The following FARS2 variants were observed in gnomAD, a reference collection of about 807,000 sequenced individuals.
FARS2 encodes the protein phenylalanine--tRNA ligase, mitochondrial.
Under a neutral mutation model 46.4 loss-of-function variants are expected in FARS2, and 40 were observed. That is an observed-to-expected ratio of 0.86 (90% CI 0.67 to 1.12). The LOEUF is 1.12. Among genes scored for constraint, FARS2 ranks in the 50% most tolerant of loss-of-function variants. The probability of loss-of-function intolerance (pLI) is 0.00; values close to 1 mark genes in which losing one functional copy is unlikely to be tolerated. For missense variants in FARS2, 513 were observed against 567.9 expected, an observed-to-expected ratio of 0.90 and a Z score of 0.98; for synonymous variants, 234 against 214.9, an observed-to-expected ratio of 1.09 and a Z score of -0.78.
rs540610110 is a variant in FARS2, at chr6:5,546,424, G to A, written c.1065+1084G>A. The stretch of plus-strand genomic sequence containing the variant: ...CACCACTACGCCCAGCTAATTTTGT[G>A]TATTTTTAGTAGAGACGGGGTTTCA... On this transcript the variant is annotated intron_variant, in intron 5 of 6. Transcript: ENST00000274680. Among the ~76,000 whole-genome samples the A allele has an allele frequency of 4.9e-4, 75 of 151,712 alleles. 1 individual carries two copies. In the East Asian group the frequency reaches 0.014, roughly 29 times the overall value.
At chr6:5,484,767 T>C (rs1766676349) in intron 4 of FARS2, among the ~76,000 whole-genome samples, 1 of 152,204 alleles carries the variant, frequency 6.6e-6, no homozygotes, top group South Asian at 2.1e-4. Context: ...AGAAACCTCC[T>C]AGCTGGATTG....
At chr6:5,481,188 C>T (rs1766434719) in intron 4 of FARS2, among the ~76,000 whole-genome samples, 1 of 152,192 alleles carries the variant, frequency 6.6e-6, no homozygotes, top group African/African-American at 2.4e-5. Context: ...GAACGGGTAC[C>T]ACCTGCCTCC....
At chr6:5,260,521 TC>T (rs1764991908), upstream of FARS2, 3 of 1,292,570 alleles carry the variant, frequency 2.3e-6, no homozygotes. Flanking sequence ...CGGAGCCCGG[TC>T]CTTGCCTCGC....
intron 5 of FARS2, among the ~76,000 whole-genome samples, chr6:5,600,541 G>A (rs1176438111): frequency 6.6e-6 from 1 of 152,034 alleles, no homozygotes; most frequent in East Asian, 1.9e-4. Context: ...AATTTGATAA[G>A]CAGTTTTTAT....
chr6:5,723,910 G>A (rs1339316878), intron 6 of FARS2, among the ~76,000 whole-genome samples: 1 of 152,148 alleles, frequency 6.6e-6, no homozygotes, highest in African/African-American at 2.4e-5. Context: ...CTGTTGTGAG[G>A]GGCCCAGCTA....
At chr6:5,451,023 C>G (rs1333458902) in intron 4 of FARS2, among the ~76,000 whole-genome samples, 1 of 152,106 alleles carries the variant, frequency 6.6e-6, no homozygotes, top group Non-Finnish European at 1.5e-5. Context: ...ATTTTAGATA[C>G]GATTGGAGGT....
At chr6:5,454,613 G>A (rs536007033) in intron 4 of FARS2, among the ~76,000 whole-genome samples, 71 of 152,216 alleles carry the variant, frequency 4.7e-4, no homozygotes, top group African/African-American at 1.6e-3. Flanking sequence ...CAAAGTGCTG[G>A]GATTGCAGGC....
intron 6 of FARS2, among the ~76,000 whole-genome samples, chr6:5,644,775 C>G (rs1279259802): frequency 6.6e-6 from 1 of 152,224 alleles, no homozygotes; most frequent in Non-Finnish European, 1.5e-5. Flanking sequence ...GCTCAGCCTG[C>G]ATTCCTACCC....
chr6:5,729,533 A>G (rs1036154371), intron 6 of FARS2, among the ~76,000 whole-genome samples: 8 of 152,202 alleles, frequency 5.3e-5, no homozygotes, highest in Non-Finnish European at 7.3e-5. Context: ...ACCTGGCCGT[A>G]AGATTTTCCA....
intron 6 of FARS2, among the ~76,000 whole-genome samples, chr6:5,633,277 T>C (rs982706391): frequency 6.7e-5 from 9 of 133,578 alleles, no homozygotes; most frequent in African/African-American, 2.4e-4. Context: ...TTTTTTTTTT[T>C]TTTTTTTTTT....
chr6:5,648,021 A>G (rs1417596050), intron 6 of FARS2, among the ~76,000 whole-genome samples: 1 of 152,222 alleles, frequency 6.6e-6, no homozygotes, highest in East Asian at 1.9e-4. Context: ...TCTTGTGAGA[A>G]TTAAATAAAT....
chr6:5,487,280 G>C (rs1033806751), intron 4 of FARS2, among the ~76,000 whole-genome samples: 5 of 152,220 alleles, frequency 3.3e-5, no homozygotes, highest in African/African-American at 1.2e-4. Context: ...TGACAGGCTT[G>C]TGGAGGCGAG....
intron 6 of FARS2, among the ~76,000 whole-genome samples, chr6:5,689,928 G>T (rs1365967765): frequency 6.6e-6 from 1 of 151,628 alleles, no homozygotes; most frequent in Non-Finnish European, 1.5e-5. Context: ...TCTTCTTGTT[G>T]AATTGATCCC....
chr6:5,466,511 A>G (rs1765522644), intron 4 of FARS2: 1 of 983,450 alleles, frequency 1.0e-6, no homozygotes, highest in Admixed American at 6.2e-5. Context: ...AGATAAGGAA[A>G]TATGTTGTAT....
intron 1 of FARS2, among the ~76,000 whole-genome samples, chr6:5,300,937 G>A (rs1021187543): frequency 1.3e-5 from 2 of 152,018 alleles, no homozygotes; most frequent in African/African-American, 4.8e-5. Context: ...GTCTTGCCAT[G>A]TTGCCCAGGC....
intron 4 of FARS2, among the ~76,000 whole-genome samples, chr6:5,438,588 C>T (rs925150608): frequency 5.9e-5 from 9 of 151,708 alleles, no homozygotes. Context: ...ATTTTCATTT[C>T]TATCAAGTTT....
intron 6 of FARS2, among the ~76,000 whole-genome samples, chr6:5,697,733 T>C (rs189446981): frequency 6.6e-6 from 1 of 152,206 alleles, no homozygotes; most frequent in Admixed American, 6.5e-5. Flanking sequence ...ACAGAACCTG[T>C]TTTGCATTCA....
chr6:5,260,604 GC>G, upstream of FARS2: 1 of 1,196,168 alleles, frequency 8.4e-7, no homozygotes, highest in Admixed American at 2.1e-5. Flanking sequence ...CCGGTCCCCG[GC>G]CCCTGGCCCC....
At chr6:5,389,599 AC>A (rs769797242) in intron 2 of FARS2, among the ~76,000 whole-genome samples, 2 of 152,188 alleles carry the variant, frequency 1.3e-5, no homozygotes, top group African/African-American at 2.4e-5. Flanking sequence ...TTGGTCTATT[AC>A]CTCAGGCAAA....
Sources: allele counts gnomAD v4.1 joint callset (sites outside exome capture counted in the v4.1 genomes callset), GRCh38; gene constraint gnomAD v4.1.1; transcripts MANE v1.5; gene names NCBI Gene and HGNC (gene_info 2026-07-23, HGNC 2026-07-21).